Variants in COL25A1 observed in about 807,000 individuals in gnomAD.
COL25A1 encodes the protein collagen type XXV alpha 1 chain.
In COL25A1, 103 loss-of-function variants were observed where a neutral mutation model predicts 128.4. The ratio of observed to expected loss-of-function variants is 0.80; its 90% CI spans 0.68 to 0.94. The LOEUF is 0.94. COL25A1 is among the 40% of genes least tolerant of loss of function. COL25A1 has a pLI of 0.00. For missense variants in COL25A1, 745 were observed against 840.0 expected (o/e 0.89, Z 1.40); for synonymous variants, 279 against 277.2 (o/e 1.01, Z -0.06).
At chr4:109,087,290 C>T (rs1056025186) in intron 3 of COL25A1, among the ~76,000 whole-genome samples, 7 of 151,906 alleles carry the variant, frequency 4.6e-5, no homozygotes, top group African/African-American at 1.5e-4. Context: ...GGAAGCAGCA[C>T]GTACAAGAAA....
chr4:109,066,546 A>G (rs988548806), intron 3 of COL25A1, among the ~76,000 whole-genome samples: 1 of 152,226 alleles, frequency 6.6e-6, no homozygotes, highest in African/African-American at 2.4e-5. Context: ...GCACTTAAAA[A>G]CAGAGAACCA....
intron 32 of COL25A1, among the ~76,000 whole-genome samples, chr4:108,828,209 C>T (rs1462233030): frequency 2.0e-5 from 3 of 152,158 alleles, no homozygotes; most frequent in East Asian, 1.9e-4. Context: ...GGCACAATCT[C>T]GGCTCACTGC....
chr4:109,237,652 T>A (rs1236835640), intron 3 of COL25A1, among the ~76,000 whole-genome samples: 1 of 151,960 alleles, frequency 6.6e-6, no homozygotes, highest in African/African-American at 2.4e-5. Context: ...AAAAATTATT[T>A]ATTTGTGTGA....
At chr4:108,834,777 G>T (rs1342409477) in intron 31 of COL25A1, among the ~76,000 whole-genome samples, 2 of 152,144 alleles carry the variant, frequency 1.3e-5, no homozygotes, top group East Asian at 3.9e-4. Context: ...GAAAAGAACG[G>T]TAATTTCCTA....
intron 6 of COL25A1, among the ~76,000 whole-genome samples, chr4:109,001,372 C>CAGGCATATGAGATCCTGTCAGGT (rs1755347855): frequency 8.3e-5 from 2 of 24,148 alleles, no homozygotes. Flanking sequence ...TTAAAAGAAA[C>CAGGCATATGAGATCCTGTCAGGT]AGGCATCTGA....
chr4:109,125,327 C>T (rs949389524), intron 3 of COL25A1, among the ~76,000 whole-genome samples: 2 of 152,074 alleles, frequency 1.3e-5, no homozygotes, highest in Non-Finnish European at 1.5e-5. Context: ...GCAAATTTAT[C>T]CCTAGTGACA....
intron 8 of COL25A1, among the ~76,000 whole-genome samples, chr4:108,955,368 A>C (rs1180846690): frequency 6.6e-6 from 1 of 152,148 alleles, no homozygotes; most frequent in Non-Finnish European, 1.5e-5. Context: ...AAGTGGCACA[A>C]AACGAATTTG....
At chr4:108,844,031 T>C (rs1734779545) in intron 30 of COL25A1, among the ~76,000 whole-genome samples, 1 of 152,170 alleles carries the variant, frequency 6.6e-6, no homozygotes, top group African/African-American at 2.4e-5. Flanking sequence ...CCTGAGTAGC[T>C]GGGACTACAG....
chr4:108,846,101 A>C, intron 28 of COL25A1, 38 bp downstream of exon 28: 1 of 1,295,636 alleles, frequency 7.7e-7, no homozygotes, highest in South Asian at 1.2e-5. Flanking sequence ...TAAGAACATA[A>C]TATAAAAAGT....
intron 8 of COL25A1, among the ~76,000 whole-genome samples, chr4:108,961,729 C>T (rs1750732476): frequency 6.6e-6 from 1 of 152,124 alleles, no homozygotes; most frequent in South Asian, 2.1e-4. Context: ...TTCCCTTTAG[C>T]AGTCCCGGAA....
At chr4:109,053,403 T>C (rs181044056) in intron 3 of COL25A1, among the ~76,000 whole-genome samples, 1 of 152,316 alleles carries the variant, frequency 6.6e-6, no homozygotes, top group Non-Finnish European at 1.5e-5. Flanking sequence ...CCATGACTAA[T>C]ATTGTTTGAA....
intron 6 of COL25A1, among the ~76,000 whole-genome samples, chr4:108,999,896 CGT>C (rs1024484566): frequency 6.6e-6 from 1 of 152,074 alleles, no homozygotes; most frequent in African/African-American, 2.4e-5. Flanking sequence ...TGTTCTCACT[CGT>C]AGGTGGGAGA....
At chr4:109,058,625 T>A (rs890396460) in intron 3 of COL25A1, among the ~76,000 whole-genome samples, 4 of 152,222 alleles carry the variant, frequency 2.6e-5, no homozygotes, top group African/African-American at 9.6e-5. Flanking sequence ...GAGATTGAAA[T>A]AATCTTCATG....
At chr4:109,006,778 T>A (rs1399493585) in intron 6 of COL25A1, among the ~76,000 whole-genome samples, 2 of 152,158 alleles carry the variant, frequency 1.3e-5, no homozygotes, top group Non-Finnish European at 2.9e-5. Context: ...TAGATAAAAT[T>A]TGTTTTGTGG....
rs776941019 is a variant in COL25A1 at position 109,057,421 on chromosome 4, A to ATTTTTTTTTTTTTTTTTT, written c.368-7260_368-7243dup. Among the ~76,000 whole-genome samples, 45 of 20,242 alleles carry ATTTTTTTTTTTTTTTTTT rather than the reference A, an allele frequency of 2.2e-3. 5 individuals are homozygous for ATTTTTTTTTTTTTTTTTT. The South Asian group carries it at 0.026, about 12-fold the overall frequency. The allele number at this position is 20,242 out of a possible 152,430, so 13.3% of individuals were successfully genotyped here. ...TAGCTGGGACCACCATGCCTAGCTAATTTTTTTTTTTTTTTTTTTTTTTTT... is the reference window on the plus strand; with the variant it reads ...TAGCTGGGACCACCATGCCTAGCTAATTTTTTTTTTTTTTTTTTTTTTTTTTTTTTTTTTTTTTTTTTT... On this transcript the variant is annotated intron_variant, in intron 3 of 37. Transcript: ENST00000399132.
intron 3 of COL25A1, among the ~76,000 whole-genome samples, chr4:109,228,287 CCAGT>C (rs1778938716): frequency 6.6e-6 from 1 of 152,076 alleles, no homozygotes; most frequent in African/African-American, 2.4e-5. Flanking sequence ...AAGTTAAAAT[CCAGT>C]CAAAGTAAAA....
chr4:108,987,011 G>T (rs1319762223), intron 6 of COL25A1, among the ~76,000 whole-genome samples: 2 of 152,158 alleles, frequency 1.3e-5, no homozygotes, highest in Non-Finnish European at 2.9e-5. Flanking sequence ...CTGGGTGATA[G>T]GTCTAGGTCA....
In COL25A1 at chr4:108,974,502, C is replaced by T. The variant is rs757308715; in HGVS notation, c.465+31G>A. 2.5e-6 allele frequency: 4 copies of T among 1,610,268 alleles called. No individual in the cohort carries two copies. The African/African-American group carries it at 4.0e-5, about 16-fold the overall frequency. ...TAGGTCACGCCAATATGGATCTTCA[C>T]TAACTTTATTTCTGGTATGCATTTT... On this transcript the variant is annotated intron_variant, in intron 7 of 37. Transcript: ENST00000399132.
chr4:109,049,382 T>G (rs1760776354), intron 4 of COL25A1, among the ~76,000 whole-genome samples: 2 of 152,168 alleles, frequency 1.3e-5, no homozygotes, highest in Non-Finnish European at 2.9e-5. Context: ...ACAGATCATC[T>G]CAGTTTCAAA....
Sources: allele counts gnomAD v4.1 joint callset (sites outside exome capture counted in the v4.1 genomes callset), GRCh38; gene constraint gnomAD v4.1.1; transcripts MANE v1.5; gene names NCBI Gene and HGNC (gene_info 2026-07-23, HGNC 2026-07-21).